Variants in BEST3 observed in about 807,000 individuals in gnomAD.
BEST3 encodes bestrophin 3, also known as bestrophin-3.
BEST3 carries 50 observed loss-of-function variants against 47.1 expected under a neutral mutation model. The observed-to-expected ratio is 1.06, with a 90% CI of 0.85 to 1.34. The LOEUF (loss-of-function observed/expected upper bound fraction) is 1.34. Among genes scored for constraint, BEST3 ranks in the 40% most tolerant of loss-of-function variants. The pLI is 0.00. For synonymous variants in BEST3, 282 were observed against 298.8 expected, an observed-to-expected ratio of 0.94 and a Z score of 0.58; for missense variants, 765 against 817.0, an observed-to-expected ratio of 0.94 and a Z score of 0.78.
At chr12:69,647,917 AACT>A (rs1424919231) in intron 9 of BEST3, among the ~76,000 whole-genome samples, 2 of 152,234 alleles carry the variant, frequency 1.3e-5, no homozygotes, top group Non-Finnish European at 2.9e-5. Context: ...AAAGTACAGA[AACT>A]CCATTAGATA....
At chr12:69,651,192 T>A (rs1048656725), downstream of BEST3, among the ~76,000 whole-genome samples, 6 of 152,196 alleles carry the variant, frequency 3.9e-5, no homozygotes, top group Admixed American at 3.3e-4. Context: ...TTTCTGAAGT[T>A]CATAGTGAAT....
At chr12:69,679,049 G>A (rs377091594) in intron 4 of BEST3, among the ~76,000 whole-genome samples, 156 bp from the exon 5 acceptor site, 1 of 152,176 alleles carries the variant, frequency 6.6e-6, no homozygotes, top group African/African-American at 2.4e-5. Flanking sequence ...TTGCATTAGA[G>A]TTAAGGAATG....
chr12:69,644,584 G>GT (rs1246235525), intron 9 of BEST3, among the ~76,000 whole-genome samples: 1 of 152,078 alleles, frequency 6.6e-6, no homozygotes, highest in Non-Finnish European at 1.5e-5. Context: ...AGGACATAAG[G>GT]TTTTTTTATT....
In BEST3 at chr12:69,671,465, A is replaced by G. The variant is rs1884568506; in HGVS notation, c.1063T>C (p.Cys355Arg). 1.9e-6 allele frequency: 3 copies of G among 1,614,098 alleles called. No homozygotes were observed. The highest frequency in any genetic ancestry group is 2.5e-6 in the Non-Finnish European group (3 of 1,179,964). ...PPYTLAAADY[C>R]IPSFLGSTVQ... ...GTTGACCCCAGAAATGAGGGTATGCAGTAGTCAGCAGCTGCCAATGTGTAT... is the reference window on the plus strand; with the variant it reads ...GTTGACCCCAGAAATGAGGGTATGCGGTAGTCAGCAGCTGCCAATGTGTAT... Residue 355 changes from cysteine (C) to arginine (R), a missense_variant, in exon 9 of 10, where the codon TGC becomes CGC. Transcript: ENST00000330891.
downstream of BEST3, among the ~76,000 whole-genome samples, chr12:69,650,794 GA>G (rs1196047776): frequency 6.6e-6 from 1 of 152,158 alleles, no homozygotes; most frequent in Non-Finnish European, 1.5e-5. Context: ...CCATGGTGAT[GA>G]GGCCTGGGAT....
At chr12:69,652,238 A>G (rs188963145), downstream of BEST3, among the ~76,000 whole-genome samples, 3 of 152,302 alleles carry the variant, frequency 2.0e-5, no homozygotes, top group East Asian at 3.9e-4. Context: ...ATTTAATGTG[A>G]GAGAGTTGAG....
chr12:69,693,638 A>T, intron 4 of BEST3, 36 bp downstream of exon 4: 1 of 1,467,572 alleles, frequency 6.8e-7, no homozygotes, highest in Non-Finnish European at 9.5e-7. Context: ...GTCTCAGCTG[A>T]GAAGAGCCCA....
chr12:69,689,210 G>A (rs2136032512), intron 4 of BEST3: 2 of 985,492 alleles, frequency 2.0e-6, no homozygotes, highest in South Asian at 9.4e-5. Context: ...GAGTGGCGGA[G>A]GCATATGCCC....
chr12:69,698,000 G>A (rs868589985), intron 1 of BEST3, among the ~76,000 whole-genome samples, 187 bp from the exon 2 acceptor site: 1 of 152,316 alleles, frequency 6.6e-6, no homozygotes, highest in African/African-American at 2.4e-5. Context: ...GAAAGCAGGA[G>A]GAAAGCAGTC....
intron 7 of BEST3, 117 bp downstream of exon 7, chr12:69,676,799 T>G: frequency 9.0e-7 from 1 of 1,116,734 alleles, no homozygotes; most frequent in Non-Finnish European, 1.3e-6. Flanking sequence ...AGCCATTACA[T>G]GTTAAATCTA....
chr12:69,676,885 T>C, intron 7 of BEST3, 31 bp downstream of exon 7: 1 of 1,605,768 alleles, frequency 6.2e-7, no homozygotes. Context: ...CATAACACAT[T>C]ACAAAGTGGG....
intron 4 of BEST3, among the ~76,000 whole-genome samples, chr12:69,679,922 T>TG (rs1425579972): frequency 1.3e-5 from 2 of 151,686 alleles, no homozygotes; most frequent in Non-Finnish European, 2.9e-5. Flanking sequence ...TGCGTGTGTG[T>TG]GTGTGTGTGT....
In BEST3 at chr12:69,654,698, T is replaced by C; in HGVS notation, c.*209A>G. On this transcript the variant is annotated 3_prime_UTR_variant, in exon 10 of 10. Coordinates refer to ENST00000330891, the MANE Select transcript of BEST3 (RefSeq NM_032735.3). The stretch of plus-strand genomic sequence containing the variant: ...TCTGTGTAACTTCTGATGAAAGCCA[T>C]GTTGTGTTGGATGACGTGAATGCGT... 1 of 1,317,858 alleles carries C rather than the reference T, an allele frequency of 7.6e-7. No homozygotes were observed. Among genetic ancestry groups the C allele is most frequent in the South Asian group, 2.5e-5 (1 of 39,616 alleles). 81.6% of individuals were successfully genotyped at this position (1,317,858 alleles called of 1,614,324 possible). A position where few individuals can be genotyped will look rare whatever the true frequency, so the allele number is the denominator to read the frequency against.
At chr12:69,697,840 A>G in intron 1 of BEST3, 27 bp from the exon 2 acceptor site, 1 of 1,567,222 alleles carries the variant, frequency 6.4e-7, no homozygotes, top group Non-Finnish European at 8.7e-7. Context: ...ACAAAACACA[A>G]GTAAAAAGCA....
chr12:69,677,974 C>T (rs775497), intron 5 of BEST3, among the ~76,000 whole-genome samples: 126,175 of 152,118 alleles, frequency 0.83, 52,673 homozygotes, highest in Middle Eastern at 0.95. Flanking sequence ...ACATGCTTAC[C>T]GTAGATCTTA....
rs1884363014 is a variant in BEST3 at position 69,668,461 on chromosome 12, G to A, written c.1100+2967C>T. ...TCATTGGCTCAGTCAGCACCAACAA[G>A]ACCACCAGTGCTACAGTTCTTAACT... On this transcript the variant is annotated intron_variant, in intron 9 of 9. Coordinates refer to ENST00000330891, the MANE Select transcript of BEST3 (RefSeq NM_032735.3). Among the ~76,000 whole-genome samples the A allele has an allele frequency of 2.0e-5, 3 of 152,272 alleles. No individual in the cohort carries two copies. In the South Asian group the frequency reaches 6.2e-4, roughly 32 times the overall value.
intron 4 of BEST3, among the ~76,000 whole-genome samples, chr12:69,685,887 G>A (rs1019538304): frequency 1.3e-5 from 2 of 152,208 alleles, no homozygotes; most frequent in Admixed American, 6.5e-5. Context: ...CTGACCAACC[G>A]ACACTGCCTA....
chr12:69,661,907 T>C (rs1458277160), intron 9 of BEST3, among the ~76,000 whole-genome samples: 1 of 152,186 alleles, frequency 6.6e-6, no homozygotes, highest in Non-Finnish European at 1.5e-5. Flanking sequence ...TAAAGAGGCT[T>C]ATCTAGCTAC....
intron 4 of BEST3, among the ~76,000 whole-genome samples, chr12:69,690,106 G>C (rs564625063): frequency 6.6e-6 from 1 of 152,190 alleles, no homozygotes; most frequent in Non-Finnish European, 1.5e-5. Flanking sequence ...AGGGACTGAC[G>C]TGGGTGGGAC....
Sources: gnomAD v4.1 joint callset for allele counts (sites outside exome capture counted in the v4.1 genomes callset) on GRCh38, gnomAD v4.1.1 for gene constraint, MANE v1.5 for transcripts, NCBI Gene and HGNC (gene_info 2026-07-23, HGNC 2026-07-21) for gene names.